Variants in MELTF observed in about 807,000 individuals in gnomAD.
The protein encoded by MELTF is melanotransferrin.
A neutral mutation model predicts 83.7 loss-of-function variants in MELTF; 67 were observed. The observed-to-expected ratio is 0.80, with a 90% CI of 0.66 to 0.98. The LOEUF (loss-of-function observed/expected upper bound fraction) is 0.98. Ranked by LOEUF, MELTF falls within the 50% of genes least tolerant of loss-of-function variation. The pLI, the probability that MELTF is intolerant of heterozygous loss-of-function variation, is 0.00. For synonymous variants in MELTF, 462 were observed against 447.6 expected (o/e 1.03, Z -0.41); for missense variants, 1,002 against 1,035.6 (o/e 0.97, Z 0.44).
chr3:197,019,113 A>G, intron 6 of MELTF: 1 of 985,872 alleles, frequency 1.0e-6, no homozygotes, highest in Non-Finnish European at 1.2e-6. Flanking sequence ...CGTTTAGGAA[A>G]ACTCCCTAAA....
In MELTF at chr3:197,024,380, G is replaced by C; in HGVS notation, c.410C>G (p.Thr137Arg). The C allele has an allele frequency of 6.2e-7, 1 of 1,610,356 alleles. No homozygotes were observed. Among genetic ancestry groups the C allele is most frequent in the Non-Finnish European group, 8.5e-7 (1 of 1,178,188 alleles). ...GCCCACGGGCACGTTCCAGCCCACT[G>C]TGCGATTGATGCCCGTGTGGCAGGA... ...VKSCHTGINR[T>R]VGWNVPVGYL... is the part of the protein sequence containing the mutation. Residue 137 changes from threonine (T) to arginine (R), a missense_variant, in exon 4 of 16, where the codon ACA (threonine) becomes AGA (arginine). Coordinates refer to ENST00000296350, the MANE Select transcript of MELTF (RefSeq NM_005929.6). This position sits in a 1 kb window ranked among gnomAD's most constrained non-coding sequence, Gnocchi z 5.3.
rs563307416 is a variant in MELTF at position 197,006,256 on chromosome 3, C to T, written c.1938+293G>A. ...AGAAAAAAAGGGAGCAGGATTACAG[C>T]TGCAAGAGGATGGATGTGAGACCAA... On this transcript the variant is annotated intron_variant, in intron 14 of 15. Coordinates refer to ENST00000296350, the MANE Select transcript of MELTF (RefSeq NM_005929.6). This position sits in a 1 kb window ranked among gnomAD's most constrained non-coding sequence, Gnocchi z 5.4. Among the ~76,000 whole-genome samples, 142 of 152,094 alleles carry T rather than the reference C, an allele frequency of 9.3e-4. 1 individual carries two copies. Among genetic ancestry groups the T allele is most frequent in the South Asian group, 3.1e-3 (15 of 4,802 alleles).
In MELTF at chr3:197,024,298, C is replaced by G; in HGVS notation, c.487+5G>C. 1.9e-6 allele frequency: 3 copies of G among 1,553,272 alleles called. No individual in the cohort carries two copies. Among genetic ancestry groups the G allele is most frequent in the Non-Finnish European group, 2.6e-6 (3 of 1,145,870 alleles). ...GGACCCTCCTGCCCAGCCCAAAGCC[C>G]TCACCTTTGAGTACATCGCAGCCCA... On this transcript the variant is annotated splice_donor_5th_base_variant and intron_variant, in intron 4 of 15. Transcript: ENST00000296350. The surrounding 1 kb of genome is among the most constrained non-coding windows in gnomAD (Gnocchi z 5.3).
chr3:197,009,613 G>T lies in MELTF; in HGVS notation c.1525+5C>A. ...CAGTCTGCGTTCCTAAAAAGGGGGGGGTACCTGTGAGGACGTCACAGTCCT... is the reference window on the plus strand; with the variant it reads ...CAGTCTGCGTTCCTAAAAAGGGGGGTGTACCTGTGAGGACGTCACAGTCCT... On this transcript the variant is annotated splice_donor_5th_base_variant and intron_variant, in intron 11 of 15. Transcript: ENST00000296350. 6.3e-7 allele frequency: 1 copy of T among 1,597,830 alleles called. No homozygotes were observed.
At chr3:197,012,157 G>A (rs1156260552) in intron 9 of MELTF, among the ~76,000 whole-genome samples, 1 of 152,208 alleles carries the variant, frequency 6.6e-6, no homozygotes, top group Non-Finnish European at 1.5e-5. Flanking sequence ...CTCGGGCCTG[G>A]GCACTCCTTG....
chr3:197,022,496 C>G lies in MELTF; in HGVS notation c.644+461G>C, dbSNP rs1445796363. Among the ~76,000 whole-genome samples, 2 of 152,160 alleles carry G rather than the reference C, an allele frequency of 1.3e-5. No homozygotes were observed. The highest frequency in any genetic ancestry group is 2.9e-5 in the Non-Finnish European group (2 of 68,026). ...AAGCTTCCTTTCCAATCCTGCTGAG[C>G]ACATTTCCTCCTCTGCAGGCAGATG... On this transcript the variant is annotated intron_variant, in intron 5 of 15. Transcript: ENST00000296350. The surrounding 1 kb of genome is among the most constrained non-coding windows in gnomAD (Gnocchi z 5.1).
chr3:197,023,055 A>C lies in MELTF; in HGVS notation c.546T>G (p.Ser182=). The C allele has an allele frequency of 1.2e-6, 2 of 1,613,856 alleles. No individual in the cohort carries two copies. The highest frequency in any genetic ancestry group is 1.7e-6 in the Non-Finnish European group (2 of 1,179,980). The part of the protein sequence containing the change: ...CVPGAGETSY[S]ESLCRLCRGD... ...CCCTGCAGAGGCGACAGAGGGACTC[A>C]GAGTAACTGGTCTCTCCTGCCCCCG... The change falls in exon 5 of 16, where the codon TCT becomes TCG. Residue 182 remains serine (S), a synonymous_variant. Transcript: ENST00000296350.
Position 197,002,550 on chromosome 3 carries a change from C to T in MELTF, c.*822G>A, listed in dbSNP as rs1391838183. ...TGGCGGGTCCCCACGCGCAGCCCTT[C>T]AGGGGCCTCGGGAGCCCGCGGCCTG... On this transcript the variant is annotated 3_prime_UTR_variant, in exon 16 of 16. Transcript: ENST00000296350. 6.6e-6 allele frequency: 1 copy of T among 152,228 alleles called. No homozygotes were observed. Among genetic ancestry groups the T allele is most frequent in the East Asian group, 1.9e-4 (1 of 5,180 alleles). 9.4% of individuals were successfully genotyped at this position (152,228 alleles called of 1,614,324 possible).
chr3:197,017,286 C>A lies in MELTF; in HGVS notation c.717G>T (p.Lys239Asn), dbSNP rs1016608901. 1 of 1,545,474 alleles carries A rather than the reference C, an allele frequency of 6.5e-7. No homozygotes were observed. The highest frequency in any genetic ancestry group is 2.0e-5 in the Admixed American group (1 of 49,636). ...GGGCCTGGCCCCAGGAGGGAAGCGTCTTCCCTGGGAAGCAGGAAGCCTGGG... is the reference window on the plus strand; with the variant it reads ...GGGCCTGGCCCCAGGAGGGAAGCGTATTCCCTGGGAAGCAGGAAGCCTGGG... ...HSTVLENTDG[K>N]TLPSWGQALL... The change falls in exon 7 of 16, where the codon AAG becomes AAT. Residue 239 changes from lysine to asparagine, a missense_variant. Physicochemically the swap from Lys to Asn is moderately conservative, Grantham distance 94 (BLOSUM62 0). Transcript: ENST00000296350.
Position 197,017,213 on chromosome 3 carries a change from C to T in MELTF, c.790G>A (p.Asp264Asn), listed in dbSNP as rs139304153. The change falls in exon 7 of 16, where the codon GAT becomes AAT. Residue 264 changes from aspartate to asparagine, a missense_variant. Coordinates refer to ENST00000296350, the MANE Select transcript of MELTF (RefSeq NM_005929.6). Reference sequence around the variant, plus strand: ...TGGCACTGCCTCCACTCGGTGACATCGGCCCGGCTACCATCCCGGCACAGC... The same window carrying T: ...TGGCACTGCCTCCACTCGGTGACATTGGCCCGGCTACCATCCCGGCACAGC... ...ELLCRDGSRADVTEWRQCHLA... is the reference protein window; with the variant it reads ...ELLCRDGSRANVTEWRQCHLA... The T allele has an allele frequency of 2.6e-3, 4,184 of 1,598,856 alleles. 16 individuals are homozygous for T. Among genetic ancestry groups the T allele is most frequent in the South Asian group, 8.5e-3 (746 of 88,120 alleles).
chr3:197,009,727 G>A lies in MELTF; in HGVS notation c.1416C>T (p.Gly472=). 1.2e-6 allele frequency: 2 copies of A among 1,613,584 alleles called. No individual in the cohort carries two copies. Among genetic ancestry groups the A allele is most frequent in the Non-Finnish European group, 1.7e-6 (2 of 1,180,018 alleles). ...SHAFTLDELR[G]KRSCHAGFGS... The stretch of plus-strand genomic sequence containing the variant: ...CGAAACCGGCGTGGCAGGAGCGCTT[G>A]CCCCGAAGCTCATCCAAGGTGAAGG... Residue 472 remains glycine (G), a synonymous_variant, in exon 11 of 16, where the codon GGC becomes GGT. Transcript: ENST00000296350.
In MELTF at chr3:197,003,342, C is replaced by A. The variant is rs970099400; in HGVS notation, c.*30G>T. 7.6e-6 allele frequency: 8 copies of A among 1,058,564 alleles called. No homozygotes were observed. Among genetic ancestry groups the A allele is most frequent in the Non-Finnish European group, 9.1e-6 (8 of 879,180 alleles). The allele number at this position is 1,058,564 out of a possible 1,614,324, so 65.6% of individuals were successfully genotyped here. A position where few individuals can be genotyped will look rare whatever the true frequency, so the allele number is the denominator to read the frequency against. ...CCGCCGCGGAAACTCCCCGGGCGGG[C>A]ATCGGAGCTCTGGGGCGGGGCGGCC... On this transcript the variant is annotated 3_prime_UTR_variant, in exon 16 of 16. Coordinates refer to ENST00000296350, the MANE Select transcript of MELTF (RefSeq NM_005929.6). The surrounding 1 kb of genome is among the most constrained non-coding windows in gnomAD (Gnocchi z 6.2).
At position 197,006,668 on chromosome 3, in the gene MELTF, C is replaced by T; in HGVS notation, c.1819G>A (p.Ala607Thr). 6 of 1,595,810 alleles carry T rather than the reference C, an allele frequency of 3.8e-6. No homozygotes were observed. The highest frequency in any genetic ancestry group is 5.1e-6 in the Non-Finnish European group (6 of 1,171,238). Reference protein sequence around the residue: ...EDYELLCPNGARAEVSQFAAC... With the variant: ...EDYELLCPNGTRAEVSQFAAC... ...GCAAACTGGGACACCTCGGCTCGGG[C>T]CCCGTTGGGGCACAGCAGTTCATAG... Residue 607 changes from alanine (A) to threonine (T), a missense_variant, in exon 14 of 16, where the codon GCC (alanine) becomes ACC (threonine). Transcript: ENST00000296350. The surrounding 1 kb of genome is among the most constrained non-coding windows in gnomAD (Gnocchi z 5.4).
At chr3:197,010,830 G>T in intron 9 of MELTF, 36 bp from the exon 10 acceptor site, 2 of 1,588,646 alleles carry the variant, frequency 1.3e-6, no homozygotes, top group Non-Finnish European at 1.7e-6. Flanking sequence ...GGCCGGGGTG[G>T]GCCCAGGATG....
intron 9 of MELTF, 136 bp from the exon 10 acceptor site, chr3:197,010,930 G>C: frequency 6.9e-6 from 5 of 728,498 alleles, no homozygotes; most frequent in Non-Finnish European, 1.2e-5. Flanking sequence ...GAATGTGGGT[G>C]GGGAGTACCC....
rs534669601 is a variant in MELTF at position 197,011,422 on chromosome 3, G to A, written c.1234-628C>T. On this transcript the variant is annotated intron_variant, in intron 9 of 15. Transcript: ENST00000296350. The surrounding 1 kb of genome is among the most constrained non-coding windows in gnomAD (Gnocchi z 4.2). The stretch of plus-strand genomic sequence containing the variant: ...GAAGCCTATTGACAGGTGGTCCCAG[G>A]ACCCCGCCAAGGGGCTAACTGGTAA... Among the ~76,000 whole-genome samples the A allele has an allele frequency of 1.3e-5, 2 of 152,252 alleles. No individual in the cohort carries two copies. Among genetic ancestry groups the A allele is most frequent in the South Asian group, 4.1e-4 (2 of 4,826 alleles).
At chr3:197,012,339 G>C (rs1379138487) in intron 9 of MELTF, among the ~76,000 whole-genome samples, 2 of 152,372 alleles carry the variant, frequency 1.3e-5, no homozygotes, top group South Asian at 4.1e-4. Flanking sequence ...CAGAAGTGGG[G>C]CTGATGGTCA....
intron 6 of MELTF, among the ~76,000 whole-genome samples, chr3:197,017,618 C>T (rs1299356405): frequency 2.0e-5 from 3 of 152,240 alleles, no homozygotes; most frequent in South Asian, 2.1e-4. Context: ...TGGCTCACGC[C>T]TGTAATCCCA....
intron 8 of MELTF, 29 bp downstream of exon 8, chr3:197,016,160 C>A: frequency 6.8e-7 from 1 of 1,477,818 alleles, no homozygotes; most frequent in Non-Finnish European, 9.0e-7. Context: ...TGGGCTGGAG[C>A]TGGCAGCAGT....
Sources: gnomAD v4.1 joint callset for allele counts (sites outside exome capture counted in the v4.1 genomes callset) on GRCh38, gnomAD v4.1.1 for gene constraint, Gnocchi (gnomAD v3.1) non-coding constraint, MANE v1.5 for transcripts, NCBI Gene and HGNC (gene_info 2026-07-23, HGNC 2026-07-21) for gene names.